CECR2: variants seen among roughly 807,000 people sequenced by gnomAD.
The protein encoded by CECR2 is chromatin remodeling regulator CECR2.
In CECR2, 30 loss-of-function variants were observed where a neutral mutation model predicts 154.5. The ratio of observed to expected loss-of-function variants is 0.19; its 90% CI spans 0.15 to 0.26. CECR2 has a LOEUF of 0.26. Ranked by LOEUF, CECR2 falls within the 10% of genes least tolerant of loss-of-function variation. CECR2 has a pLI of 1.00. For synonymous variants in CECR2, 725 were observed against 683.7 expected, an observed-to-expected ratio of 1.06 and a Z score of -0.94; for missense variants, 1,743 against 1,829.3, an observed-to-expected ratio of 0.95 and a Z score of 0.86.
chr22:17,455,736 C>T (rs1361158730), intron 1 of CECR2, among the ~76,000 whole-genome samples: 2 of 152,326 alleles, frequency 1.3e-5, no homozygotes, highest in East Asian at 3.9e-4. Flanking sequence ...GCCTCGCTTT[C>T]CCCTCGGGAA....
chr22:17,541,336 T>TC (rs1037486097), intron 14 of CECR2, among the ~76,000 whole-genome samples: 1 of 152,118 alleles, frequency 6.6e-6, no homozygotes, highest in Non-Finnish European at 1.5e-5. Flanking sequence ...ACTCAGCTAC[T>TC]CAGGAGGCTG....
rs1601221770 is a variant in CECR2 at position 17,554,239 on chromosome 22, T to G, written c.*1399T>G. On this transcript the variant is annotated 3_prime_UTR_variant, in exon 19 of 19. Transcript: ENST00000262608. ...GACCCATGTTTTAAACTTTTGAATA[T>G]TCCACAAAAGAAAAAACTAAGGAAA... 6.6e-6 allele frequency: 1 copy of G among 152,328 alleles called. No individual in the cohort carries two copies. Among genetic ancestry groups the G allele is most frequent in the Admixed American group, 6.5e-5 (1 of 15,300 alleles). 9.4% of individuals were successfully genotyped at this position (152,328 alleles called of 1,614,324 possible). A position where few individuals can be genotyped will look rare whatever the true frequency, so the allele number is the denominator to read the frequency against.
intron 1 of CECR2, among the ~76,000 whole-genome samples, chr22:17,373,347 A>T (rs1341164977): frequency 6.6e-6 from 1 of 152,240 alleles, no homozygotes; most frequent in Non-Finnish European, 1.5e-5. Flanking sequence ...TGCCAAGTAT[A>T]TAATAGTAAT....
At chr22:17,532,372 G>C (rs188734781) in intron 9 of CECR2, among the ~76,000 whole-genome samples, 5 of 152,218 alleles carry the variant, frequency 3.3e-5, no homozygotes, top group African/African-American at 9.6e-5. Flanking sequence ...GGCCTTTCCA[G>C]CTTCTAGTAG....
intron 1 of CECR2, among the ~76,000 whole-genome samples, chr22:17,441,132 A>G (rs1483020082): frequency 1.3e-5 from 2 of 152,194 alleles, no homozygotes; most frequent in African/African-American, 4.8e-5. Context: ...TATTTTTAAT[A>G]GAGATGGGGT....
intron 1 of CECR2, among the ~76,000 whole-genome samples, chr22:17,362,130 T>C (rs945586247): frequency 2.0e-5 from 3 of 152,044 alleles, no homozygotes; most frequent in Non-Finnish European, 2.9e-5. Context: ...GCAACCTCTG[T>C]CTCCAGAGTT....
intron 7 of CECR2, among the ~76,000 whole-genome samples, chr22:17,508,010 C>A (rs2146911603): frequency 6.6e-6 from 1 of 152,286 alleles, no homozygotes; most frequent in Admixed American, 6.5e-5. Context: ...GGAAGCTACT[C>A]TGTTCGTTCT....
chr22:17,533,547 T>C (rs960019443), intron 9 of CECR2, among the ~76,000 whole-genome samples: 2 of 150,546 alleles, frequency 1.3e-5, no homozygotes, highest in African/African-American at 4.9e-5. Context: ...CGAGAATTGC[T>C]TGAACCTGAG....
In CECR2 at chr22:17,433,992, C is replaced by T. The variant is rs185470089; in HGVS notation, c.127-43596C>T. ...TGAAAAATAGGTTAAGAAATAGTTC[C>T]CTGGGCATAAAACAGTTGCTAGAAT... On this transcript the variant is annotated intron_variant, in intron 1 of 18. Transcript: ENST00000262608. Among the ~76,000 whole-genome samples, 660 of 152,176 alleles carry T rather than the reference C, an allele frequency of 4.3e-3. 2 individuals are homozygous for T. The highest frequency in any genetic ancestry group is 6.7e-3 in the Non-Finnish European group (456 of 67,992).
intron 8 of CECR2, among the ~76,000 whole-genome samples, chr22:17,516,921 G>T (rs1440512885): frequency 1.3e-5 from 2 of 148,454 alleles, no homozygotes; most frequent in Non-Finnish European, 3.0e-5. Flanking sequence ...TTTTTTCGGG[G>T]TTTTTTTGAG....
At chr22:17,535,325 A>T (rs545038903) in intron 9 of CECR2, among the ~76,000 whole-genome samples, 173 of 152,240 alleles carry the variant, frequency 1.1e-3, no homozygotes, top group African/African-American at 3.9e-3. Context: ...CTCAAAAAAA[A>T]AAAAATTCTG....
intron 1 of CECR2, chr22:17,428,403 T>G (rs923195711): frequency 7.2e-5 from 11 of 152,218 alleles, no homozygotes; most frequent in Non-Finnish European, 7.3e-5. Flanking sequence ...TTTTTAGCGT[T>G]AGTACCTTCA....
chr22:17,553,072 A>G lies in CECR2; in HGVS notation c.*232A>G. 3 of 954,152 alleles carry G rather than the reference A, an allele frequency of 3.1e-6. No individual in the cohort carries two copies. The highest frequency in any genetic ancestry group is 4.2e-6 in the Non-Finnish European group (3 of 721,550). The allele number at this position is 954,152 out of a possible 1,614,324, so 59.1% of individuals were successfully genotyped here. On this transcript the variant is annotated 3_prime_UTR_variant, in exon 19 of 19. Transcript: ENST00000262608. ...CGGCCAGGGATCTCTTGCACAGCTG[A>G]TGTAGACAGTCAGGCAAAACTAATG...
At chr22:17,465,159 G>A (rs78139155) in intron 1 of CECR2, among the ~76,000 whole-genome samples, 15,146 of 151,168 alleles carry the variant, frequency 0.1, 846 homozygotes, top group South Asian at 0.22. Flanking sequence ...ACCACGCCCG[G>A]CTAAGTTTTT....
At chr22:17,399,879 T>G (rs192886516) in intron 1 of CECR2, among the ~76,000 whole-genome samples, 1 of 152,254 alleles carries the variant, frequency 6.6e-6, no homozygotes, top group South Asian at 2.1e-4. Context: ...TCTTGAAATT[T>G]AAGAAATACA....
chr22:17,478,462 T>A (rs1275209610), intron 2 of CECR2, among the ~76,000 whole-genome samples: 1 of 151,494 alleles, frequency 6.6e-6, no homozygotes, highest in East Asian at 1.9e-4. Context: ...TTCACGCCAT[T>A]CTCCTGCCTC....
chr22:17,520,599 G>A lies in CECR2; in HGVS notation c.955-3519G>A, dbSNP rs562955053. The stretch of plus-strand genomic sequence containing the variant: ...AGTCCCCCACCCTCTGACAGACCCC[G>A]GTGTGTGATGTTCCCCGCCCTGTGC... On this transcript the variant is annotated intron_variant, in intron 8 of 18. Transcript: ENST00000262608. Among the ~76,000 whole-genome samples the A allele has an allele frequency of 3.2e-4, 48 of 151,240 alleles. No individual in the cohort carries two copies. In the East Asian group the frequency reaches 8.4e-3, roughly 27 times the overall value.
At chr22:17,479,369 T>TA (rs1251205533) in intron 2 of CECR2, among the ~76,000 whole-genome samples, 1 of 152,204 alleles carries the variant, frequency 6.6e-6, no homozygotes, top group African/African-American at 2.4e-5. Flanking sequence ...CCAGATCTCT[T>TA]AGAGTTCACA....
intron 2 of CECR2, among the ~76,000 whole-genome samples, chr22:17,481,816 T>C (rs944487247): frequency 2.0e-5 from 3 of 152,286 alleles, no homozygotes; most frequent in African/African-American, 7.2e-5. Flanking sequence ...ACCAGTCATA[T>C]AAAGACCTAG....
Sources: allele counts gnomAD v4.1 joint callset (sites outside exome capture counted in the v4.1 genomes callset), GRCh38; gene constraint gnomAD v4.1.1; transcripts MANE v1.5; gene names NCBI Gene and HGNC (gene_info 2026-07-23, HGNC 2026-07-21).